Variants in ELK4 observed in about 807,000 individuals in gnomAD.
ELK4 encodes ETS transcription factor ELK4.
ELK4 carries 16 observed loss-of-function variants against 29.6 expected under a neutral mutation model. That is an observed-to-expected ratio of 0.54 (90% confidence interval 0.37 to 0.82). ELK4 has a LOEUF of 0.82. ELK4 is among the 40% of genes least tolerant of loss of function. The pLI is 0.00. For synonymous variants in ELK4, 213 were observed against 191.1 expected, an observed-to-expected ratio of 1.11 and a Z score of -0.95; for missense variants, 465 against 507.1, an observed-to-expected ratio of 0.92 and a Z score of 0.80.
chr1:205,629,590 A>G (rs373115010), intron 1 of ELK4, among the ~76,000 whole-genome samples: 82 of 152,192 alleles, frequency 5.4e-4, no homozygotes, highest in African/African-American at 1.9e-3. Flanking sequence ...GGTGGTGGGC[A>G]CCTGTAATTC....
In ELK4 at chr1:205,609,240, TTTAGCCAATTTGA is replaced by T; in HGVS notation, c.*7293_*7305del. ...AATGCAAAGTTACATACCCTTATTT[TTTAGCCAATTTGA>T]TTATTTGGTAAAGCAAGGGCATAAT... On this transcript the variant is annotated 3_prime_UTR_variant, in exon 5 of 5. Coordinates refer to ENST00000357992, the MANE Select transcript of ELK4 (RefSeq NM_001973.4). 5.3e-6 allele frequency: 1 copy of T among 188,248 alleles called. No homozygotes were observed. The highest frequency in any genetic ancestry group is 1.1e-5 in the Non-Finnish European group (1 of 89,294). 11.7% of individuals were successfully genotyped at this position (188,248 alleles called of 1,614,324 possible). A position where few individuals can be genotyped will look rare whatever the true frequency, so the allele number is the denominator to read the frequency against.
rs1338199460 is a variant in ELK4 at position 205,609,407 on chromosome 1, G to T, written c.*7139C>A. On this transcript the variant is annotated 3_prime_UTR_variant, in exon 5 of 5. Transcript: ENST00000357992. ...CAAAGATAAATGAAACTGCTCAAAG[G>T]CAAAAATAAAGAAATATAATTGTGA... 5.2e-6 allele frequency: 1 copy of T among 192,164 alleles called. No individual in the cohort carries two copies. Among genetic ancestry groups the T allele is most frequent in the Admixed American group, 6.1e-5 (1 of 16,310 alleles). The allele number at this position is 192,164 out of a possible 1,614,324, so 11.9% of individuals were successfully genotyped here. A position where few individuals can be genotyped will look rare whatever the true frequency, so the allele number is the denominator to read the frequency against.
intron 2 of ELK4, among the ~76,000 whole-genome samples, chr1:205,623,157 C>CAAAA (rs547986684): frequency 1.3e-5 from 1 of 76,798 alleles, no homozygotes; most frequent in Non-Finnish European, 2.9e-5. Context: ...GACTCCGTCT[C>CAAAA]AAAAAAAAAA....
At chr1:205,617,626 G>A (rs991249912) in intron 4 of ELK4, among the ~76,000 whole-genome samples, 13 of 151,766 alleles carry the variant, frequency 8.6e-5, no homozygotes, top group Admixed American at 5.2e-4. Context: ...CTTGGGCCGC[G>A]TGCAGTGGCT....
chr1:205,608,554 C>T lies in ELK4; in HGVS notation c.*7992G>A, dbSNP rs1021891363. 8.4e-5 allele frequency: 16 copies of T among 191,260 alleles called. No homozygotes were observed. The highest frequency in any genetic ancestry group is 1.4e-4 in the Non-Finnish European group (13 of 91,936). The allele number at this position is 191,260 out of a possible 1,614,324, so 11.8% of individuals were successfully genotyped here. ...ATGTTAGCAGTGACCATTTTAATTGCTTTTTTAGGAAAAAGAAAAAAAAAA... is the reference window on the plus strand; with the variant it reads ...ATGTTAGCAGTGACCATTTTAATTGTTTTTTTAGGAAAAAGAAAAAAAAAA... On this transcript the variant is annotated 3_prime_UTR_variant, in exon 5 of 5. Transcript: ENST00000357992.
intron 1 of ELK4, among the ~76,000 whole-genome samples, chr1:205,627,425 C>T (rs774676276): frequency 8.6e-5 from 13 of 151,636 alleles, no homozygotes; most frequent in Non-Finnish European, 1.8e-4. Flanking sequence ...AGGAGAATGG[C>T]GTGAACCTGG....
rs1489802494 is a variant in ELK4, at chr1:205,616,605, A to C, written c.1237T>G (p.Ser413Ala). 6.2e-7 allele frequency: 1 copy of C among 1,614,070 alleles called. No individual in the cohort carries two copies. Among genetic ancestry groups the C allele is most frequent in the African/African-American group, 1.3e-5 (1 of 74,948 alleles). The change falls in exon 5 of 5, where the codon TCT (serine) becomes GCT (alanine). Residue 413 changes from serine to alanine, a missense_variant. Physicochemically the swap from Ser to Ala is moderately conservative, Grantham distance 99. Coordinates refer to ENST00000357992, the MANE Select transcript of ELK4 (RefSeq NM_001973.4). ...VLNSHGPFTLSGLDGPSTPGP... is the reference protein window; with the variant it reads ...VLNSHGPFTLAGLDGPSTPGP... Reference sequence around the variant, plus strand: ...GGGGTGGAAGGTCCATCCAGCCCAGACAGAGTGAATGGCCCATGACTGTTC... The same window carrying C: ...GGGGTGGAAGGTCCATCCAGCCCAGCCAGAGTGAATGGCCCATGACTGTTC...
Position 205,618,971 on chromosome 1 carries a change from T to C in ELK4, c.1183A>G (p.Asn395Asp), listed in dbSNP as rs1247678893. 6.2e-7 allele frequency: 1 copy of C among 1,609,168 alleles called. No individual in the cohort carries two copies. Among genetic ancestry groups the C allele is most frequent in the African/African-American group, 1.3e-5 (1 of 74,662 alleles). Reference sequence around the variant, plus strand: ...TATAAAATTACCTGGAAAAGTGTGTTAGCACCTTGCAGTCTGGCTGGACTT... The same window carrying C: ...TATAAAATTACCTGGAAAAGTGTGTCAGCACCTTGCAGTCTGGCTGGACTT... ...PLSPARLQGA[N>D]TLFQFPSVLN... The change falls in exon 4 of 5, where the codon AAC becomes GAC. Residue 395 changes from asparagine (N) to aspartate (D), a missense_variant. Transcript: ENST00000357992.
At chr1:205,628,684 T>C (rs1270666672) in intron 1 of ELK4, among the ~76,000 whole-genome samples, 1 of 152,184 alleles carries the variant, frequency 6.6e-6, no homozygotes, top group Non-Finnish European at 1.5e-5. Flanking sequence ...CTCCCCAAAA[T>C]AACAGGTGTT....
At chr1:205,622,816 T>C (rs1327987463) in intron 2 of ELK4, among the ~76,000 whole-genome samples, 1 of 152,152 alleles carries the variant, frequency 6.6e-6, no homozygotes, top group Non-Finnish European at 1.5e-5. Flanking sequence ...AGGAATAAAA[T>C]ATGTGTAATG....
rs1336835602 is a variant in ELK4, at chr1:205,627,805, A to C, written c.-10+3827T>G. Among the ~76,000 whole-genome samples the C allele has an allele frequency of 2.0e-5, 3 of 152,366 alleles. No individual in the cohort carries two copies. In the East Asian group the frequency reaches 5.8e-4, roughly 29 times the overall value. Reference sequence around the variant, plus strand: ...TAGTTGGGTTTCTATAACTTTTCTGAAACACTCAAAATGTCCTCCAGTAAT... The same window carrying C: ...TAGTTGGGTTTCTATAACTTTTCTGCAACACTCAAAATGTCCTCCAGTAAT... On this transcript the variant is annotated intron_variant, in intron 1 of 4. Transcript: ENST00000357992.
chr1:205,619,913 A>G (rs1670300630), intron 3 of ELK4, 53 bp downstream of exon 3: 5 of 1,614,112 alleles, frequency 3.1e-6, no homozygotes, highest in Non-Finnish European at 4.2e-6. Context: ...GATTTGCTTA[A>G]AAGGGCAAAT....
chr1:205,619,411 T>C (rs928154788), intron 3 of ELK4: 12 of 1,058,998 alleles, frequency 1.1e-5, no homozygotes, highest in East Asian at 5.5e-5. Flanking sequence ...CTTTTCCAAA[T>C]AGAAAAACCA....
rs192666356 is a variant in ELK4, at chr1:205,615,860, C to T, written c.*686G>A. On this transcript the variant is annotated 3_prime_UTR_variant, in exon 5 of 5. Coordinates refer to ENST00000357992, the MANE Select transcript of ELK4 (RefSeq NM_001973.4). ...ATCTTTCTATAGTGAAATAGACTAG[C>T]TCCATGCTCTGTTGACAGGTTCAGA... 4.7e-6 allele frequency: 1 copy of T among 212,922 alleles called. No individual in the cohort carries two copies. The highest frequency in any genetic ancestry group is 9.5e-6 in the Non-Finnish European group (1 of 105,280). The allele number at this position is 212,922 out of a possible 1,614,324, so 13.2% of individuals were successfully genotyped here.
chr1:205,623,417 C>T (rs780779555), intron 2 of ELK4, among the ~76,000 whole-genome samples: 118 of 150,484 alleles, frequency 7.8e-4, no homozygotes, highest in Admixed American at 4.9e-3. Context: ...TCAAACGATT[C>T]TCCTGCCTCA....
chr1:205,624,271 T>C (rs1286814834), intron 1 of ELK4, among the ~76,000 whole-genome samples: 2 of 152,176 alleles, frequency 1.3e-5, no homozygotes, highest in Non-Finnish European at 2.9e-5. Context: ...TGTCAATCAC[T>C]GTTGTTAAAT....
intron 4 of ELK4, among the ~76,000 whole-genome samples, chr1:205,617,195 T>C (rs1670245703): frequency 1.3e-5 from 2 of 152,258 alleles, no homozygotes; most frequent in East Asian, 3.9e-4. Context: ...TGTGTGGCAA[T>C]GAAAAAAAAT....
In ELK4 at chr1:205,631,681, G is replaced by A. The variant is rs918156663; in HGVS notation, c.-59C>T. On this transcript the variant is annotated 5_prime_UTR_variant, in exon 1 of 5. Transcript: ENST00000357992. ...TCGGTCTCCGCCTCGAACACGATGC[G>A]CCTCTCCGCCCTCAGCCTCCTCCTC... 4 of 344,814 alleles carry A rather than the reference G, an allele frequency of 1.2e-5. No homozygotes were observed. The highest frequency in any genetic ancestry group is 4.5e-5 in the African/African-American group (2 of 44,858). 21.4% of individuals were successfully genotyped at this position (344,814 alleles called of 1,614,324 possible). A position where few individuals can be genotyped will look rare whatever the true frequency, so the allele number is the denominator to read the frequency against.
Position 205,625,781 on chromosome 1 carries a change from C to A in ELK4, c.-9-1890G>T, listed in dbSNP as rs193002381. On this transcript the variant is annotated intron_variant, in intron 1 of 4. Coordinates refer to ENST00000357992, the MANE Select transcript of ELK4 (RefSeq NM_001973.4). ...GCAACCTCCGCCTCCTGGGTTCAAGCGATTCTCCTGTCTCAGCCTCCCGAG... is the reference window on the plus strand; with the variant it reads ...GCAACCTCCGCCTCCTGGGTTCAAGAGATTCTCCTGTCTCAGCCTCCCGAG... 417 of 631,028 alleles carry A rather than the reference C, an allele frequency of 6.6e-4. 3 individuals carry two copies. The East Asian group carries it at 0.011, about 17-fold the overall frequency. 39.1% of individuals were successfully genotyped at this position (631,028 alleles called of 1,614,324 possible).
Sources: gnomAD v4.1 joint callset for allele counts (sites outside exome capture counted in the v4.1 genomes callset) on GRCh38, gnomAD v4.1.1 for gene constraint, MANE v1.5 for transcripts, NCBI Gene and HGNC (gene_info 2026-07-23, HGNC 2026-07-21) for gene names.